Variants in DSC1 observed in about 807,000 individuals in gnomAD.
DSC1 encodes desmocollin-1.
In DSC1, 79 loss-of-function variants were observed where a neutral mutation model predicts 98.8. The observed-to-expected ratio is 0.80, with a 90% CI of 0.67 to 0.96. The LOEUF (loss-of-function observed/expected upper bound fraction) is 0.96. DSC1 is among the 50% of genes least tolerant of loss of function. The pLI, the probability that DSC1 is intolerant of heterozygous loss-of-function variation, is 0.00. For missense variants in DSC1, 1,115 were observed against 1,075.9 expected, an observed-to-expected ratio of 1.04 and a Z score of -0.51; for synonymous variants, 405 against 372.1, an observed-to-expected ratio of 1.09 and a Z score of -1.02.
intron 3 of DSC1, among the ~76,000 whole-genome samples, chr18:31,156,423 T>C (rs1989099783): frequency 6.6e-6 from 1 of 152,208 alleles, no homozygotes; most frequent in African/African-American, 2.4e-5. Flanking sequence ...TTTGAGAAAG[T>C]ATAAACTCCC....
At position 31,140,199 on chromosome 18, in the gene DSC1, T is replaced by G; in HGVS notation, c.1363A>C (p.Thr455Pro). The G allele has an allele frequency of 1.2e-6, 2 of 1,614,078 alleles. No individual in the cohort carries two copies. Among genetic ancestry groups the G allele is most frequent in the Non-Finnish European group, 1.7e-6 (2 of 1,179,942 alleles). The part of the protein sequence containing the change: ...AASSQTPTMC[T>P]TTVTVKIIDS... Reference sequence around the variant, plus strand: ...ATAATTTTAACGGTGACAGTTGTAGTGCACATTGTAGGAGTTTGTGAGCTC... The same window carrying G: ...ATAATTTTAACGGTGACAGTTGTAGGGCACATTGTAGGAGTTTGTGAGCTC... The change falls in exon 10 of 16, where the codon ACT (threonine) becomes CCT (proline). Residue 455 changes from threonine (T) to proline (P), a missense_variant. Coordinates refer to ENST00000257198, the MANE Select transcript of DSC1 (RefSeq NM_024421.2).
intron 12 of DSC1, 131 bp downstream of exon 12, chr18:31,134,441 G>C (rs947886046): frequency 1.1e-6 from 1 of 872,362 alleles, no homozygotes; most frequent in Non-Finnish European, 1.7e-6. Context: ...TAAAGATTAG[G>C]TATTGTTGTT....
chr18:31,150,712 G>C (rs1404805995), intron 5 of DSC1: 8 of 152,398 alleles, frequency 5.2e-5, no homozygotes, highest in Admixed American at 5.2e-4. Flanking sequence ...TCTTCGTATA[G>C]ATGATGTGGA....
At chr18:31,143,606 T>A (rs928681401) in intron 8 of DSC1, 51 bp downstream of exon 8, 1 of 1,402,566 alleles carries the variant, frequency 7.1e-7, no homozygotes, top group Non-Finnish European at 9.4e-7. Flanking sequence ...CTAGACATGT[T>A]TTTTGAAAAA....
intron 13 of DSC1, 81 bp downstream of exon 13, chr18:31,133,810 T>C (rs1988545889): frequency 7.3e-7 from 1 of 1,371,512 alleles, no homozygotes; most frequent in Admixed American, 2.4e-5. Context: ...AGGCTATTAA[T>C]ATAAAAAACT....
chr18:31,153,221 T>C (rs1469319648), intron 5 of DSC1, among the ~76,000 whole-genome samples: 1 of 152,050 alleles, frequency 6.6e-6, no homozygotes, highest in Non-Finnish European at 1.5e-5. Flanking sequence ...CTCAGCAAAA[T>C]TGAAAATGAA....
Position 31,144,779 on chromosome 18 carries a change from G to C in DSC1, c.939+832C>G, listed in dbSNP as rs115270873. Reference sequence around the variant, plus strand: ...GAGTGAACCACAATGTGAGAACTATGGACTTTAGGTAATAATGATGTGTAA... The same window carrying C: ...GAGTGAACCACAATGTGAGAACTATCGACTTTAGGTAATAATGATGTGTAA... On this transcript the variant is annotated intron_variant, in intron 7 of 15. Transcript: ENST00000257198. 3.6e-3 allele frequency among the ~76,000 whole-genome samples: 546 copies of C among 152,222 alleles called. 1 individual carries two copies. Among genetic ancestry groups the C allele is most frequent in the African/African-American group, 0.013 (528 of 41,544 alleles).
At chr18:31,158,856 C>A (rs949356040) in intron 2 of DSC1, among the ~76,000 whole-genome samples, 1 of 151,916 alleles carries the variant, frequency 6.6e-6, no homozygotes, top group African/African-American at 2.4e-5. Flanking sequence ...TTAGAATATG[C>A]TCCTGGTTTT....
At chr18:31,137,273 T>G (rs1429732665) in intron 11 of DSC1, among the ~76,000 whole-genome samples, 1 of 152,200 alleles carries the variant, frequency 6.6e-6, no homozygotes, top group Admixed American at 6.5e-5. Context: ...TGTTTGCCAC[T>G]TGTACATGAC....
At chr18:31,140,694 G>T (rs1330799314) in intron 9 of DSC1, among the ~76,000 whole-genome samples, 1 of 152,144 alleles carries the variant, frequency 6.6e-6, no homozygotes, top group Non-Finnish European at 1.5e-5. Flanking sequence ...TAGAAATTTG[G>T]CTATAATACA....
intron 7 of DSC1, among the ~76,000 whole-genome samples, chr18:31,144,743 T>C (rs1330261944): frequency 2.0e-5 from 3 of 152,108 alleles, no homozygotes; most frequent in Non-Finnish European, 4.4e-5. Context: ...TCATAGAATA[T>C]ATAGCACCAA....
chr18:31,156,469 A>T (rs1989100556), intron 3 of DSC1, among the ~76,000 whole-genome samples: 1 of 152,222 alleles, frequency 6.6e-6, no homozygotes, highest in African/African-American at 2.4e-5. Flanking sequence ...ATATTTAAGG[A>T]TCAACTTTAT....
intron 6 of DSC1, among the ~76,000 whole-genome samples, 188 bp from the exon 7 acceptor site, chr18:31,145,965 T>A (rs1395710833): frequency 6.6e-6 from 1 of 152,200 alleles, no homozygotes; most frequent in East Asian, 1.9e-4. Flanking sequence ...GAACTTCAGT[T>A]AGGTGGCCCC....
intron 5 of DSC1, among the ~76,000 whole-genome samples, chr18:31,150,205 CACCACCACCATCACCACCACT>C (rs1988940244): frequency 1.4e-5 from 2 of 147,020 alleles, no homozygotes; most frequent in Non-Finnish European, 3.0e-5. Context: ...TCATCACCAC[CACCACCACCATCACCACCACT>C]ACCACCATCA....
rs1988785617 is a variant in DSC1, at chr18:31,143,734, CGAAAGGCTGACCACCCA to C, written c.980_996del (p.Met327ArgfsTer4). On this transcript the variant is annotated frameshift_variant, in exon 8 of 16. Coordinates refer to ENST00000257198, the MANE Select transcript of DSC1 (RefSeq NM_024421.2). LOFTEE classifies it high-confidence loss of function. ...GTAATTGTTCCTGTATTAAATAAAC[CGAAAGGCTGACCACCCA>C]TGTCTCGCACTTCCATTATTAACTG... 6.2e-7 allele frequency: 1 copy of C among 1,602,624 alleles called. No homozygotes were observed. Among genetic ancestry groups the C allele is most frequent in the South Asian group, 1.1e-5 (1 of 89,138 alleles).
chr18:31,146,249 C>A (rs1988843777), intron 6 of DSC1, among the ~76,000 whole-genome samples: 1 of 152,090 alleles, frequency 6.6e-6, no homozygotes, highest in South Asian at 2.1e-4. Context: ...TCCCTCCCAC[C>A]TTTTGGAATC....
intron 1 of DSC1, among the ~76,000 whole-genome samples, chr18:31,161,661 T>G (rs1989211790): frequency 6.6e-6 from 1 of 152,108 alleles, no homozygotes; most frequent in African/African-American, 2.4e-5. Context: ...GCAAAAGAAA[T>G]GTGGGTAGAA....
In DSC1 at chr18:31,133,839, T is replaced by A. The variant is rs1988546438; in HGVS notation, c.2116+52A>T. 3 of 1,518,182 alleles carry A rather than the reference T, an allele frequency of 2.0e-6. No individual in the cohort carries two copies. The Admixed American group carries it at 6.2e-5, about 32-fold the overall frequency. The allele number at this position is 1,518,182 out of a possible 1,614,324, so 94.0% of individuals were successfully genotyped here. ...AAAAACTTCCATGTTTTAAAAATAC[T>A]AGATAAAATTTTAGCTAACACATTC... is the stretch of plus-strand genomic sequence containing the variant. On this transcript the variant is annotated intron_variant, in intron 13 of 15. Transcript: ENST00000257198.
At chr18:31,144,691 T>C (rs1041428390) in intron 7 of DSC1, among the ~76,000 whole-genome samples, 2 of 152,158 alleles carry the variant, frequency 1.3e-5, no homozygotes, top group Non-Finnish European at 2.9e-5. Context: ...CTCTGGATGA[T>C]ACTATAATGA....
Sources: allele counts gnomAD v4.1 joint callset (sites outside exome capture counted in the v4.1 genomes callset), GRCh38; gene constraint gnomAD v4.1.1; transcripts MANE v1.5; gene names NCBI Gene and HGNC (gene_info 2026-07-23, HGNC 2026-07-21).